CDH18: variants seen among roughly 807,000 people sequenced by gnomAD.
The protein encoded by CDH18 is cadherin-18.
Under a neutral mutation model 67.9 loss-of-function variants are expected in CDH18, and 31 were observed. The ratio of observed to expected loss-of-function variants is 0.46; its 90% CI spans 0.34 to 0.62. The LOEUF is 0.62. Ranked by LOEUF, CDH18 falls within the 20% of genes least tolerant of loss-of-function variation. The pLI is 0.01. For missense variants in CDH18, 890 were observed against 975.5 expected (o/e 0.91, Z 1.17); for synonymous variants, 362 against 347.2 (o/e 1.04, Z -0.48).
intron 2 of CDH18, among the ~76,000 whole-genome samples, chr5:19,841,136 C>T (rs749815550): frequency 2.0e-4 from 30 of 152,156 alleles, no homozygotes; most frequent in Non-Finnish European, 3.5e-4. Flanking sequence ...AGTAATAGTG[C>T]TTACTTCACC....
At chr5:19,920,892 A>AGCACACACAC (rs1792360359) in intron 2 of CDH18, among the ~76,000 whole-genome samples, 1 of 23,412 alleles carries the variant, frequency 4.3e-5, no homozygotes, top group Non-Finnish European at 1.1e-4. Context: ...TACCCACAAG[A>AGCACACACAC]GCACACACAC....
chr5:20,356,314 C>T lies in CDH18; in HGVS notation c.-579-100809G>A, dbSNP rs116355316. Among the ~76,000 whole-genome samples, 117 of 152,216 alleles carry T rather than the reference C, an allele frequency of 7.7e-4. 1 individual carries two copies. Among genetic ancestry groups the T allele is most frequent in the African/African-American group, 2.5e-3 (104 of 41,544 alleles). On this transcript the variant is annotated intron_variant, in intron 1 of 14. Coordinates refer to the CDH18 transcript ENST00000507958. Reference sequence around the variant, plus strand: ...AGGAGAACTGCTTGAATCCAGGAGACGGAGGTCGCAGTGAGCTGAGATCAC... The same window carrying T: ...AGGAGAACTGCTTGAATCCAGGAGATGGAGGTCGCAGTGAGCTGAGATCAC...
chr5:20,187,848 A>G lies in CDH18; in HGVS notation c.-518+67596T>C, dbSNP rs142863855. Among the ~76,000 whole-genome samples the G allele has an allele frequency of 5.8e-3, 875 of 151,900 alleles. 10 individuals carry two copies. Among genetic ancestry groups the G allele is most frequent in the African/African-American group, 0.02 (838 of 41,542 alleles). ...AGGGTAGATTTTTAGCTTCTTAAAA[A>G]TTAATATTTAAAAGACTAATATGCT... On this transcript the variant is annotated intron_variant, in intron 2 of 14. Transcript: ENST00000507958.
intron 1 of CDH18, among the ~76,000 whole-genome samples, chr5:20,443,067 G>A (rs1429420728): frequency 3.3e-5 from 5 of 150,134 alleles, no homozygotes; most frequent in East Asian, 2.0e-4. Context: ...AAAATTAGCC[G>A]GGCGTAGTGG....
intron 1 of CDH18, among the ~76,000 whole-genome samples, chr5:20,321,512 T>A (rs544043893): frequency 2.3e-4 from 35 of 152,214 alleles, no homozygotes; most frequent in African/African-American, 8.4e-4. Context: ...CATGGAAATG[T>A]CATTTCACAT....
At position 19,612,599 on chromosome 5, in the gene CDH18, C is replaced by T; in HGVS notation, c.646G>A (p.Val216Ile). 3 of 1,606,034 alleles carry T rather than the reference C, an allele frequency of 1.9e-6. No homozygotes were observed. The highest frequency in any genetic ancestry group is 2.6e-6 in the Non-Finnish European group (3 of 1,172,782). Residue 216 changes from valine (V) to isoleucine (I), a missense_variant and splice_region_variant, in exon 6 of 13, where the codon GTT (valine) becomes ATT (isoleucine). This residue lies in a region of CDH18 where 234 missense variants were observed against 307.4 expected (regional missense o/e 0.76). Coordinates refer to ENST00000382275, the MANE Select transcript of CDH18 (RefSeq NM_004934.5). ...ATGTTATGTAAGGCCGTTCTAATAA[C>T]TCCTGTAATAGATATATTTTAATAA... is the stretch of plus-strand genomic sequence containing the variant. The part of the protein sequence containing the change: ...PYFSVDPKTG[V>I]IRTALHNMDR...
intron 12 of CDH18, among the ~76,000 whole-genome samples, chr5:19,475,096 G>A (rs797309): frequency 0.35 from 52,872 of 151,522 alleles, 9,403 homozygotes; most frequent in African/African-American, 0.38. Context: ...TAATAATCAG[G>A]GAGGTACATT....
chr5:20,425,626 A>C (rs1171109671), intron 1 of CDH18, among the ~76,000 whole-genome samples: 3 of 150,922 alleles, frequency 2.0e-5, no homozygotes, highest in Non-Finnish European at 4.4e-5. Flanking sequence ...TAGTAAAAAT[A>C]ATTGAAAATA....
intron 8 of CDH18, among the ~76,000 whole-genome samples, chr5:19,560,024 A>C (rs1739175005): frequency 6.6e-6 from 1 of 152,120 alleles, no homozygotes; most frequent in Admixed American, 6.6e-5. Context: ...CAACATAAAC[A>C]AATGGAAACA....
intron 2 of CDH18, among the ~76,000 whole-genome samples, chr5:20,043,556 G>T (rs1281850347): frequency 6.6e-6 from 1 of 152,212 alleles, no homozygotes; most frequent in Non-Finnish European, 1.5e-5. Context: ...ACCTTTCATG[G>T]TCCTCTGTTT....
At chr5:19,822,878 G>A (rs1368796449) in intron 3 of CDH18, among the ~76,000 whole-genome samples, 1 of 152,128 alleles carries the variant, frequency 6.6e-6, no homozygotes, top group Non-Finnish European at 1.5e-5. Flanking sequence ...ATAAGCCTGG[G>A]AGTGCTATGG....
chr5:20,172,875 A>G (rs1736942260), intron 2 of CDH18, among the ~76,000 whole-genome samples: 2 of 151,948 alleles, frequency 1.3e-5, no homozygotes, highest in Admixed American at 1.3e-4. Flanking sequence ...CTGTAATCCC[A>G]GCTACTCAGG....
chr5:19,515,745 T>C (rs1413193111), intron 10 of CDH18, among the ~76,000 whole-genome samples: 1 of 152,182 alleles, frequency 6.6e-6, no homozygotes, highest in East Asian at 1.9e-4. Context: ...TTAAGAAGAT[T>C]TTGGGCTGAG....
At chr5:19,713,902 T>G (rs1386372050) in intron 5 of CDH18, among the ~76,000 whole-genome samples, 1 of 152,106 alleles carries the variant, frequency 6.6e-6, no homozygotes, top group East Asian at 1.9e-4. Context: ...AGGTTGAAAG[T>G]AATGAAAGTA....
chr5:19,474,410 A>T (rs1165126792), intron 12 of CDH18, among the ~76,000 whole-genome samples: 1 of 152,118 alleles, frequency 6.6e-6, no homozygotes, highest in African/African-American at 2.4e-5. Flanking sequence ...CTCACAGCAG[A>T]GCTGTGGCTT....
intron 3 of CDH18, among the ~76,000 whole-genome samples, chr5:19,811,084 A>G (rs981753549): frequency 1.0e-4 from 2 of 19,452 alleles, no homozygotes; most frequent in African/African-American, 2.5e-4. Flanking sequence ...GAGAAAAAGA[A>G]AGAAAGAAAG....
At chr5:19,983,533 ACTC>A (rs1174668223) in intron 1 of CDH18, among the ~76,000 whole-genome samples, 1 of 152,174 alleles carries the variant, frequency 6.6e-6, no homozygotes, top group Non-Finnish European at 1.5e-5. Context: ...CAAATATTTC[ACTC>A]AATATTTTTA....
At chr5:20,007,239 T>C (rs953455502) in intron 2 of CDH18, among the ~76,000 whole-genome samples, 4 of 152,028 alleles carry the variant, frequency 2.6e-5, no homozygotes, top group African/African-American at 9.6e-5. Context: ...CCAAGTGCAT[T>C]TCAAATTCCA....
Position 19,574,683 on chromosome 5 carries a change from T to C in CDH18, c.1000-2851A>G, listed in dbSNP as rs148762560. Reference sequence around the variant, plus strand: ...TCTGGGAAAACTACTCAAGTACCCATCTTCCACACCTTTTAAATAGTTGAG... The same window carrying C: ...TCTGGGAAAACTACTCAAGTACCCACCTTCCACACCTTTTAAATAGTTGAG... On this transcript the variant is annotated intron_variant, in intron 7 of 12. Coordinates refer to ENST00000382275, the MANE Select transcript of CDH18 (RefSeq NM_004934.5). Among the ~76,000 whole-genome samples, 65 of 152,214 alleles carry C rather than the reference T, an allele frequency of 4.3e-4. No homozygotes were observed. In the East Asian group the frequency reaches 0.011, roughly 27 times the overall value.
Sources: gnomAD v4.1 joint callset for allele counts (sites outside exome capture counted in the v4.1 genomes callset) on GRCh38, gnomAD v4.1.1 for gene constraint, gnomAD v4.1.1 regional missense constraint, MANE v1.5 for transcripts, NCBI Gene and HGNC (gene_info 2026-07-23, HGNC 2026-07-21) for gene names.